Variants in FOXK2 observed in about 807,000 individuals in gnomAD.
The protein encoded by FOXK2 is forkhead box protein K2.
In FOXK2, 24 loss-of-function variants were observed where a neutral mutation model predicts 53.3. That is an observed-to-expected ratio of 0.45 (90% CI 0.33 to 0.63). The LOEUF (loss-of-function observed/expected upper bound fraction) is 0.63. Ranked by LOEUF, FOXK2 falls within the 30% of genes least tolerant of loss-of-function variation. The pLI is 0.03. For synonymous variants in FOXK2, 505 were observed against 407.1 expected, an observed-to-expected ratio of 1.24 and a Z score of -2.89; for missense variants, 952 against 910.5, an observed-to-expected ratio of 1.05 and a Z score of -0.59.
chr17:82,570,106 C>CA (rs929259785), intron 3 of FOXK2, among the ~76,000 whole-genome samples: 2 of 151,952 alleles, frequency 1.3e-5, no homozygotes, highest in African/African-American at 4.8e-5. Flanking sequence ...CCTGTAGTCC[C>CA]AGCTACTCGG....
At chr17:82,586,263 G>T (rs1403713862) in intron 7 of FOXK2, 63 bp downstream of exon 7, 2 of 398,368 alleles carry the variant, frequency 5.0e-6, no homozygotes, top group Non-Finnish European at 8.5e-6. Context: ...GCCGGGGGGG[G>T]AAAGGAGGAG....
intron 4 of FOXK2, among the ~76,000 whole-genome samples, chr17:82,580,983 C>T (rs1334081229): frequency 4.6e-5 from 7 of 152,256 alleles, no homozygotes; most frequent in Admixed American, 4.6e-4. Context: ...TAGGATGGCA[C>T]TTGGACAACC....
At chr17:82,580,210 A>G (rs1487380910) in intron 4 of FOXK2, among the ~76,000 whole-genome samples, 11 of 138,244 alleles carry the variant, frequency 8.0e-5, no homozygotes, top group African/African-American at 2.5e-4. Flanking sequence ...CCTCCCACAC[A>G]TGGCCCAGCC....
At chr17:82,563,216 A>G (rs4789795) in intron 1 of FOXK2, 138 bp from the exon 2 acceptor site, 570,091 of 789,460 alleles carry the variant, frequency 0.72, 207,216 homozygotes, top group South Asian at 0.83. Flanking sequence ...TTGGCGACTT[A>G]TAATAACACG....
chr17:82,573,197 A>G (rs913785615), intron 4 of FOXK2, among the ~76,000 whole-genome samples: 4 of 151,954 alleles, frequency 2.6e-5, no homozygotes, highest in African/African-American at 7.2e-5. Context: ...TGTCTCAAAA[A>G]GGAAAAAAAA....
At chr17:82,539,952 C>T (rs757984032) in intron 1 of FOXK2, among the ~76,000 whole-genome samples, 5 of 143,632 alleles carry the variant, frequency 3.5e-5, no homozygotes, top group Non-Finnish European at 6.0e-5. Flanking sequence ...GGTGACACAG[C>T]GAGACTCCAT....
Position 82,577,798 on chromosome 17 carries a change from C to T in FOXK2, c.910-4943C>T, listed in dbSNP as rs558082655. Among the ~76,000 whole-genome samples, 28 of 152,172 alleles carry T rather than the reference C, an allele frequency of 1.8e-4. 1 individual carries two copies. Among genetic ancestry groups the T allele is most frequent in the South Asian group, 1.5e-3 (7 of 4,812 alleles). ...TGTTGCCCAGGCTGGAGTGCAGTGG[C>T]GCGATCTCAGCTCACTGCAACCTTT... On this transcript the variant is annotated intron_variant, in intron 4 of 8. Coordinates refer to ENST00000335255, the MANE Select transcript of FOXK2 (RefSeq NM_004514.4).
intron 6 of FOXK2, among the ~76,000 whole-genome samples, chr17:82,584,881 A>G (rs2045114642): frequency 6.6e-6 from 1 of 152,218 alleles, no homozygotes; most frequent in African/African-American, 2.4e-5. Context: ...AATAGGTAAA[A>G]CAGTTTGCAG....
At chr17:82,528,778 G>A (rs1430706831) in intron 1 of FOXK2, among the ~76,000 whole-genome samples, 1 of 152,234 alleles carries the variant, frequency 6.6e-6, no homozygotes, top group East Asian at 1.9e-4. Flanking sequence ...GAACAGAGAA[G>A]GTGCTCTGCT....
At chr17:82,564,646 A>G (rs2044834432) in intron 2 of FOXK2, among the ~76,000 whole-genome samples, 4 of 151,680 alleles carry the variant, frequency 2.6e-5, no homozygotes, top group African/African-American at 9.7e-5. Context: ...CTGAAGAACC[A>G]TGAGCCAATT....
intron 1 of FOXK2, among the ~76,000 whole-genome samples, chr17:82,537,943 G>C (rs946949744): frequency 1.3e-5 from 2 of 151,400 alleles, no homozygotes; most frequent in African/African-American, 4.9e-5. Flanking sequence ...AAAATCCGTG[G>C]CCAGGCACAG....
chr17:82,561,680 G>A (rs1300877481), intron 1 of FOXK2, among the ~76,000 whole-genome samples: 2 of 120,658 alleles, frequency 1.7e-5, no homozygotes, highest in African/African-American at 6.1e-5. Flanking sequence ...AGAAGCGAGT[G>A]TTGAAACCCC....
At chr17:82,582,665 G>GA in intron 4 of FOXK2, 76 bp from the exon 5 acceptor site, 1 of 1,253,030 alleles carries the variant, frequency 8.0e-7, no homozygotes, top group Non-Finnish European at 1.1e-6. Context: ...GCTTTTTAGG[G>GA]CACTAAAACG....
At chr17:82,566,501 A>G (rs1379595612) in intron 2 of FOXK2, among the ~76,000 whole-genome samples, 2 of 152,150 alleles carry the variant, frequency 1.3e-5, no homozygotes, top group Non-Finnish European at 2.9e-5. Context: ...GGCACAAGTC[A>G]GTCCTGCCGC....
At chr17:82,550,530 T>G (rs1599891461) in intron 1 of FOXK2, among the ~76,000 whole-genome samples, 4 of 130,270 alleles carry the variant, frequency 3.1e-5, no homozygotes, top group Admixed American at 8.7e-5. Flanking sequence ...TGAGATGGAG[T>G]CTTGCTCTGT....
chr17:82,527,836 T>C (rs11868125), intron 1 of FOXK2, among the ~76,000 whole-genome samples: 1,881 of 152,306 alleles, frequency 0.012, 33 homozygotes, highest in African/African-American at 0.043. Context: ...AGTCTCACTC[T>C]GTCACCCAGG....
intron 8 of FOXK2, among the ~76,000 whole-genome samples, chr17:82,590,505 A>T (rs2045242516): frequency 1.3e-5 from 2 of 152,104 alleles, no homozygotes. Context: ...TCTTTGAAGA[A>T]ATTTTTTTTA....
chr17:82,537,649 G>A (rs1599882657), intron 1 of FOXK2, among the ~76,000 whole-genome samples: 1 of 147,752 alleles, frequency 6.8e-6, no homozygotes, highest in Non-Finnish European at 1.5e-5. Flanking sequence ...AAAAGGCCAG[G>A]CACACGGTGG....
At chr17:82,596,026 G>A (rs563383757) in intron 8 of FOXK2, 50 of 1,145,050 alleles carry the variant, frequency 4.4e-5, no homozygotes, top group Middle Eastern at 8.0e-4. Context: ...CACACTGCGC[G>A]TCTGTGCATC....
Sources: gnomAD v4.1 joint callset for allele counts (sites outside exome capture counted in the v4.1 genomes callset) on GRCh38, gnomAD v4.1.1 for gene constraint, MANE v1.5 for transcripts, NCBI Gene and HGNC (gene_info 2026-07-23, HGNC 2026-07-21) for gene names.